Variants in FSTL4 observed in about 807,000 individuals in gnomAD.
FSTL4 encodes follistatin like 4.
A neutral mutation model predicts 78.2 loss-of-function variants in FSTL4; 28 were observed. That is an observed-to-expected ratio of 0.36 (90% CI 0.27 to 0.49). The LOEUF is 0.49. Ranked by LOEUF, FSTL4 falls within the 20% of genes least tolerant of loss-of-function variation. The pLI, the probability that FSTL4 is intolerant of heterozygous loss-of-function variation, is 0.98. For missense variants in FSTL4, 922 were observed against 1,084.9 expected (o/e 0.85, Z 2.11); for synonymous variants, 422 against 440.5 (o/e 0.96, Z 0.53).
At chr5:133,774,293 A>C in the FSTL4 span, among the ~76,000 whole-genome samples, 1 of 152,296 alleles carries the variant, frequency 6.6e-6, no homozygotes, top group East Asian at 1.9e-4. Flanking sequence ...CAGGGCTCTT[A>C]GGCTAAGGTA....
chr5:133,727,872 G>C, the FSTL4 span, among the ~76,000 whole-genome samples: 1 of 152,210 alleles, frequency 6.6e-6, no homozygotes, highest in South Asian at 2.1e-4. Flanking sequence ...CACGAGGGCT[G>C]TTGCTGGCCT....
At chr5:133,461,657 A>G (rs1347342902) in intron 3 of FSTL4, among the ~76,000 whole-genome samples, 1 of 152,142 alleles carries the variant, frequency 6.6e-6, no homozygotes, top group Non-Finnish European at 1.5e-5. Flanking sequence ...GCCCAATAAG[A>G]TATTTTTCAC....
intron 6 of FSTL4, among the ~76,000 whole-genome samples, chr5:133,297,458 T>G (rs1276422896): frequency 2.0e-5 from 3 of 152,200 alleles, no homozygotes; most frequent in Non-Finnish European, 4.4e-5. Context: ...TTGGAATTTT[T>G]GGTCTACTGG....
At chr5:133,695,490 G>C in the FSTL4 span, among the ~76,000 whole-genome samples, 3 of 152,160 alleles carry the variant, frequency 2.0e-5, no homozygotes, top group African/African-American at 4.8e-5. Flanking sequence ...CAAGGGATTT[G>C]TACATAAACA....
At chr5:133,349,795 C>A (rs1754782963) in intron 4 of FSTL4, among the ~76,000 whole-genome samples, 1 of 145,440 alleles carries the variant, frequency 6.9e-6, no homozygotes, top group Non-Finnish European at 1.5e-5. Context: ...GTAAAGGACC[C>A]ATAGGATGGA....
intron 3 of FSTL4, among the ~76,000 whole-genome samples, chr5:133,517,447 A>AAAAAAAAAAAATATATATATAT (rs1554068019): frequency 1.2e-4 from 2 of 16,414 alleles, no homozygotes; most frequent in African/African-American, 5.6e-4. Context: ...AAAAAAAAAA[A>AAAAAAAAAAAATATATATATAT]ATATATATAT....
intron 5 of FSTL4, among the ~76,000 whole-genome samples, chr5:133,316,187 A>C (rs981532715): frequency 2.6e-5 from 4 of 152,178 alleles, no homozygotes; most frequent in African/African-American, 7.2e-5. Flanking sequence ...TGAGTAACTA[A>C]TCCTACTCAA....
chr5:133,216,408 G>A (rs113073390), intron 13 of FSTL4, among the ~76,000 whole-genome samples: 2,603 of 142,148 alleles, frequency 0.018, 74 homozygotes, highest in African/African-American at 0.068. Flanking sequence ...CTCCTGCCTC[G>A]GCCTCCCGTC....
chr5:133,614,979 C>G (rs1416613968), upstream of FSTL4, among the ~76,000 whole-genome samples: 1 of 151,576 alleles, frequency 6.6e-6, no homozygotes, highest in African/African-American at 2.4e-5. Context: ...TATTTCTAAT[C>G]CTTACCAAAA....
At position 133,338,840 on chromosome 5, in the gene FSTL4, C is replaced by T. The variant is rs986682525; in HGVS notation, c.410-22188G>A. On this transcript the variant is annotated intron_variant, in intron 4 of 15. Transcript: ENST00000265342. The surrounding 1 kb of genome is among the most constrained non-coding windows in gnomAD (Gnocchi z 4.0). ...CATCCCCAGCCAATCAGTCCTGGCT[C>T]AGGTCATTTCTACCACTGTGTCTCT... 6.6e-6 allele frequency among the ~76,000 whole-genome samples: 1 copy of T among 152,122 alleles called. No individual in the cohort carries two copies. Among genetic ancestry groups the T allele is most frequent in the Non-Finnish European group, 1.5e-5 (1 of 68,014 alleles).
At chr5:133,466,131 T>C (rs933895819) in intron 3 of FSTL4, among the ~76,000 whole-genome samples, 7 of 152,128 alleles carry the variant, frequency 4.6e-5, no homozygotes, top group African/African-American at 1.7e-4. Flanking sequence ...CTGCTCCCCA[T>C]ATGGGAAAGG....
At chr5:133,628,401 C>T in the FSTL4 span, among the ~76,000 whole-genome samples, 2 of 150,572 alleles carry the variant, frequency 1.3e-5, no homozygotes, top group South Asian at 2.1e-4. Context: ...CTCCTGTTGC[C>T]CAGGCTGGAG....
the FSTL4 span, among the ~76,000 whole-genome samples, chr5:133,766,416 A>G: frequency 3.3e-5 from 5 of 152,358 alleles, no homozygotes; most frequent in East Asian, 9.6e-4. Context: ...CCACTGAACT[A>G]ATGAGTTAAC....
intron 6 of FSTL4, among the ~76,000 whole-genome samples, chr5:133,292,737 C>A (rs201270819): frequency 1.7e-4 from 25 of 145,428 alleles, no homozygotes; most frequent in Non-Finnish European, 2.1e-4. Context: ...TGAAAAGAGA[C>A]AAAAAAAAAA....
intron 2 of FSTL4, among the ~76,000 whole-genome samples, chr5:133,602,053 A>G (rs1424024136): frequency 4.6e-5 from 7 of 152,060 alleles, no homozygotes; most frequent in Non-Finnish European, 2.9e-5. Flanking sequence ...TCCCATTATT[A>G]TCATCTCATT....
intron 3 of FSTL4, among the ~76,000 whole-genome samples, chr5:133,491,983 C>A (rs1580743504): frequency 6.6e-6 from 1 of 152,118 alleles, no homozygotes; most frequent in African/African-American, 2.4e-5. Context: ...ATTTTGTCTA[C>A]TTCTCTGCTG....
chr5:133,817,077 C>A, the FSTL4 span, among the ~76,000 whole-genome samples: 2,520 of 152,384 alleles, frequency 0.017, 79 homozygotes, highest in African/African-American at 0.057. Context: ...CCTGAGAAAG[C>A]AACACACACA....
At chr5:133,487,950 C>T (rs561893597) in intron 3 of FSTL4, among the ~76,000 whole-genome samples, 6 of 152,240 alleles carry the variant, frequency 3.9e-5, no homozygotes, top group East Asian at 1.9e-4. Flanking sequence ...TAGAACCAAG[C>T]GTAGATCATC....
At chr5:133,573,324 A>C (rs570098382) in intron 2 of FSTL4, among the ~76,000 whole-genome samples, 4 of 152,194 alleles carry the variant, frequency 2.6e-5, no homozygotes, top group Admixed American at 6.5e-5. Flanking sequence ...AGAGAAAACA[A>C]TATCCAACTA....
Sources: gnomAD v4.1 joint callset for allele counts (sites outside exome capture counted in the v4.1 genomes callset) on GRCh38, gnomAD v4.1.1 for gene constraint, Gnocchi (gnomAD v3.1) non-coding constraint, MANE v1.5 for transcripts, NCBI Gene and HGNC (gene_info 2026-07-23, HGNC 2026-07-21) for gene names.